NOTCH1: variants seen among roughly 807,000 people sequenced by gnomAD.
The protein encoded by NOTCH1 is notch receptor 1, also known as neurogenic locus notch homolog protein 1.
NOTCH1 carries 37 observed loss-of-function variants against 254.8 expected under a neutral mutation model. The observed-to-expected ratio is 0.15, with a 90% CI of 0.11 to 0.19. The LOEUF (loss-of-function observed/expected upper bound fraction) is 0.19, where lower values mean the gene tolerates loss of function less well. Among genes scored for constraint, NOTCH1 ranks in the 10% least tolerant of loss-of-function variants. NOTCH1 has a pLI of 1.00. For missense variants in NOTCH1, 2,972 were observed against 3,708.6 expected (o/e 0.80, Z 5.16); for synonymous variants, 1,731 against 1,618.1 (o/e 1.07, Z -1.68).
At chr9:136,535,213 C>A (rs955759786) in intron 2 of NOTCH1, among the ~76,000 whole-genome samples, 2 of 151,920 alleles carry the variant, frequency 1.3e-5, no homozygotes, top group Non-Finnish European at 2.9e-5. Context: ...GGATCTCCCG[C>A]CCAGCGGGTG....
At position 136,545,705 on chromosome 9, in the gene NOTCH1, C is replaced by T. The variant is rs1239769175; in HGVS notation, c.61+21G>A. The stretch of plus-strand genomic sequence containing the variant: ...CCAAAGGGCGCGGAAAGTGGGGGCT[C>T]GCGGGTGGGTGGGCGCCTACCTCGT... On this transcript the variant is annotated intron_variant, in intron 1 of 33. Coordinates refer to ENST00000651671, the MANE Select transcript of NOTCH1 (RefSeq NM_017617.5). This position sits in a 1 kb window ranked among gnomAD's most constrained non-coding sequence, Gnocchi z 6.8. The T allele has an allele frequency of 1.3e-5, 19 of 1,427,818 alleles. No homozygotes were observed. Among genetic ancestry groups the T allele is most frequent in the Admixed American group, 2.8e-5 (1 of 36,356 alleles). The allele number at this position is 1,427,818 out of a possible 1,614,324, so 88.4% of individuals were successfully genotyped here.
chr9:136,495,076 GT>G lies in NOTCH1; in HGVS notation c.*994del, dbSNP rs1184822370. 2.5e-6 allele frequency: 1 copy of G among 398,982 alleles called. No individual in the cohort carries two copies. Among genetic ancestry groups the G allele is most frequent in the African/African-American group, 2.1e-5 (1 of 48,650 alleles). 24.7% of individuals were successfully genotyped at this position (398,982 alleles called of 1,614,324 possible). On this transcript the variant is annotated 3_prime_UTR_variant, in exon 34 of 34. Coordinates refer to ENST00000651671, the MANE Select transcript of NOTCH1 (RefSeq NM_017617.5). ...GGTCCCGCGAGCTGGGGCCCAGGCTGTGTTGCTGGAGCATCTTCTTCGGAAC... is the reference window on the plus strand; with the variant it reads ...GGTCCCGCGAGCTGGGGCCCAGGCTGGTTGCTGGAGCATCTTCTTCGGAAC...
At chr9:136,541,711 C>T (rs1843735463) in intron 2 of NOTCH1, among the ~76,000 whole-genome samples, 1 of 152,222 alleles carries the variant, frequency 6.6e-6, no homozygotes, top group Admixed American at 6.5e-5. Flanking sequence ...CCGGGGCCTT[C>T]TCCGAAGCGG....
chr9:136,498,873 C>G (rs376619758), intron 33 of NOTCH1, 26 bp downstream of exon 33: 51 of 1,611,944 alleles, frequency 3.2e-5, no homozygotes, highest in Non-Finnish European at 4.2e-5. Flanking sequence ...CTCACGTCTC[C>G]CCTGGCATCC....
intron 18 of NOTCH1, 22 bp downstream of exon 18, chr9:136,509,711 G>T: frequency 6.2e-7 from 1 of 1,606,278 alleles, no homozygotes; most frequent in South Asian, 1.1e-5. Flanking sequence ...CCCTTCCACG[G>T]CCTCACTCGA....
rs1435499069 is a variant in NOTCH1, at chr9:136,545,942, C to T, written c.-156G>A. Among the ~76,000 whole-genome samples, 6 of 148,196 alleles carry T rather than the reference C, an allele frequency of 4.0e-5. No individual in the cohort carries two copies. The East Asian group carries it at 1.2e-3, about 29-fold the overall frequency. On this transcript the variant is annotated 5_prime_UTR_variant, in exon 1 of 34. Transcript: ENST00000651671. This position sits in a 1 kb window ranked among gnomAD's most constrained non-coding sequence, Gnocchi z 6.8. ...CTGGCGGCGCTGTGCTCTCGCAGGCCCCCGGGCCCGGCTCCGCGCCCGGCT... is the reference window on the plus strand; with the variant it reads ...CTGGCGGCGCTGTGCTCTCGCAGGCTCCCGGGCCCGGCTCCGCGCCCGGCT...
At chr9:136,537,307 G>A (rs1042363184) in intron 2 of NOTCH1, among the ~76,000 whole-genome samples, 6 of 152,292 alleles carry the variant, frequency 3.9e-5, no homozygotes, top group Non-Finnish European at 7.4e-5. Context: ...TCTAGTCCAC[G>A]CGTGACATGG....
In NOTCH1 at chr9:136,540,837, C is replaced by T. The variant is rs779186776; in HGVS notation, c.140+3187G>A. Among the ~76,000 whole-genome samples, 3 of 152,156 alleles carry T rather than the reference C, an allele frequency of 2.0e-5. No individual in the cohort carries two copies. Among genetic ancestry groups the T allele is most frequent in the Admixed American group, 6.5e-5 (1 of 15,278 alleles). On this transcript the variant is annotated intron_variant, in intron 2 of 33. Transcript: ENST00000651671. The surrounding 1 kb of genome is among the most constrained non-coding windows in gnomAD (Gnocchi z 4.4). ...ACGCCCCGTGCCATTCTGACTCTGC[C>T]GTCAGCAGCCAACATCTTAGCTGCC...
At chr9:136,534,298 G>A (rs1159452519) in intron 2 of NOTCH1, among the ~76,000 whole-genome samples, 2 of 152,182 alleles carry the variant, frequency 1.3e-5, no homozygotes, top group African/African-American at 2.4e-5. Flanking sequence ...AATGTCAAGG[G>A]GGCATTTACC....
chr9:136,519,718 G>A, intron 4 of NOTCH1, 153 bp from the exon 5 acceptor site: 1 of 1,023,210 alleles, frequency 9.8e-7, no homozygotes, highest in South Asian at 1.3e-5. Context: ...CCTCACTCCA[G>A]TGCCCAGAGG....
At chr9:136,533,853 G>C (rs1294746138) in intron 2 of NOTCH1, among the ~76,000 whole-genome samples, 2 of 152,278 alleles carry the variant, frequency 1.3e-5, no homozygotes, top group Non-Finnish European at 2.9e-5. Context: ...GCCTGTTTCA[G>C]GGAAAGTGAG....
chr9:136,517,252 G>C lies in NOTCH1; in HGVS notation c.1555+20C>G, dbSNP rs749276064. 4 of 1,514,808 alleles carry C rather than the reference G, an allele frequency of 2.6e-6. No individual in the cohort carries two copies. The highest frequency in any genetic ancestry group is 3.6e-6 in the Non-Finnish European group (4 of 1,105,068). 93.8% of individuals were successfully genotyped at this position (1,514,808 alleles called of 1,614,324 possible). A position where few individuals can be genotyped will look rare whatever the true frequency, so the allele number is the denominator to read the frequency against. On this transcript the variant is annotated intron_variant, in intron 9 of 33. Transcript: ENST00000651671. ...CAGGGTGCAGACGACCCGGGGGCAG[G>C]GGGCGGGGGTGGCCCTCACCCGTGG... is the stretch of plus-strand genomic sequence containing the variant.
At chr9:136,523,664 G>A (rs2133378704) in intron 3 of NOTCH1, 53 bp downstream of exon 3, 2 of 1,558,058 alleles carry the variant, frequency 1.3e-6, no homozygotes, top group Non-Finnish European at 1.7e-6. Flanking sequence ...TGCCTGGGCA[G>A]CTGGCGGCGG....
chr9:136,504,018 C>A (rs1843038954), intron 26 of NOTCH1, among the ~76,000 whole-genome samples: 1 of 152,110 alleles, frequency 6.6e-6, no homozygotes, highest in Non-Finnish European at 1.5e-5. Flanking sequence ...GACCCCCCAC[C>A]CCCACCAGCT....
rs758313142 is a variant in NOTCH1, at chr9:136,504,670, C to T, written c.5018+3G>A. 5 of 1,506,286 alleles carry T rather than the reference C, an allele frequency of 3.3e-6. No individual in the cohort carries two copies. The South Asian group carries it at 6.4e-5, about 19-fold the overall frequency. 93.3% of individuals were successfully genotyped at this position (1,506,286 alleles called of 1,614,324 possible). A position where few individuals can be genotyped will look rare whatever the true frequency, so the allele number is the denominator to read the frequency against. On this transcript the variant is annotated splice_donor_region_variant and intron_variant, in intron 26 of 33. Coordinates refer to ENST00000651671, the MANE Select transcript of NOTCH1 (RefSeq NM_017617.5). ...TTGACCGTGGGCGCCGGGTCTCACT[C>T]ACCCGCGGACGTCCATGGGGTCCAG...
At chr9:136,527,314 A>G (rs1843478507) in intron 2 of NOTCH1, among the ~76,000 whole-genome samples, 1 of 152,220 alleles carries the variant, frequency 6.6e-6, no homozygotes, top group African/African-American at 2.4e-5. Flanking sequence ...CCAGCCTGTG[A>G]GCAAATCCTT....
rs1274309084 is a variant in NOTCH1 at position 136,513,284 on chromosome 9, G to A, written c.2353+108C>T. ...CTGGAGCTAAGGCTTTGCCACGGGA[G>A]GGAGACACCATGCATGGTGCTGGCT... On this transcript the variant is annotated intron_variant, in intron 14 of 33. Transcript: ENST00000651671. The surrounding 1 kb of genome is among the most constrained non-coding windows in gnomAD (Gnocchi z 4.7). 5 of 1,549,566 alleles carry A rather than the reference G, an allele frequency of 3.2e-6. No individual in the cohort carries two copies. In the African/African-American group the frequency reaches 4.1e-5, roughly 13 times the overall value.
At position 136,518,749 on chromosome 9, in the gene NOTCH1, T is replaced by C. The variant is rs1208513709; in HGVS notation, c.941A>G (p.Asn314Ser). 6.2e-7 allele frequency: 1 copy of C among 1,611,948 alleles called. No homozygotes were observed. The change falls in exon 6 of 34, where the codon AAC (asparagine) becomes AGC (serine). Residue 314 changes from asparagine (N) to serine (S), a missense_variant. This residue lies in a region of NOTCH1 where 374 missense variants were observed against 496.3 expected (regional missense o/e 0.75). Transcript: ENST00000651671. ...CACGCAGTTGTAGCCACCGTGGGTG[T>C]TGTGGCAGGTCCCGCCGTTCTGGCA... ...NACQNGGTCH[N>S]THGGYNCVCV...
chr9:136,503,165 G>A lies in NOTCH1; in HGVS notation c.5167+17C>T, dbSNP rs2133333044. On this transcript the variant is annotated intron_variant, in intron 27 of 33. Coordinates refer to ENST00000651671, the MANE Select transcript of NOTCH1 (RefSeq NM_017617.5). Reference sequence around the variant, plus strand: ...CCCTGCAGGCAGAGCCTGTTCCCGGGATGGGGCCACACTTACTCTGCACGG... The same window carrying A: ...CCCTGCAGGCAGAGCCTGTTCCCGGAATGGGGCCACACTTACTCTGCACGG... The A allele has an allele frequency of 6.2e-7, 1 of 1,612,618 alleles. No homozygotes were observed. The highest frequency in any genetic ancestry group is 1.3e-5 in the African/African-American group (1 of 75,062).
Sources: allele counts gnomAD v4.1 joint callset (sites outside exome capture counted in the v4.1 genomes callset), GRCh38; gene constraint gnomAD v4.1.1; regional missense constraint gnomAD v4.1.1; non-coding constraint Gnocchi (gnomAD v3.1); transcripts MANE v1.5; gene names NCBI Gene and HGNC (gene_info 2026-07-23, HGNC 2026-07-21).